Variants in CDH6 observed in about 807,000 individuals in gnomAD.
CDH6 encodes cadherin 6.
In CDH6, 31 loss-of-function variants were observed where a neutral mutation model predicts 78.0. That is an observed-to-expected ratio of 0.40 (90% CI 0.30 to 0.54). CDH6 has a LOEUF of 0.54. CDH6 is among the 20% of genes least tolerant of loss of function. The pLI is 0.56. For synonymous variants in CDH6, 376 were observed against 368.8 expected, an observed-to-expected ratio of 1.02 and a Z score of -0.23; for missense variants, 724 against 975.9, an observed-to-expected ratio of 0.74 and a Z score of 3.44.
At chr5:31,225,542 G>C (rs1332848160) in intron 1 of CDH6, among the ~76,000 whole-genome samples, 1 of 152,182 alleles carries the variant, frequency 6.6e-6, no homozygotes, top group Non-Finnish European at 1.5e-5. Flanking sequence ...TACAATCTTG[G>C]TGGTTGGCGA....
chr5:31,313,500 G>A (rs372686442), intron 8 of CDH6, 46 bp downstream of exon 8: 1 of 1,558,952 alleles, frequency 6.4e-7, no homozygotes. Flanking sequence ...AATAGACTGA[G>A]TGTCCCAGCA....
At chr5:31,293,791 T>C (rs2149947382) in intron 2 of CDH6, among the ~76,000 whole-genome samples, 171 bp from the exon 3 acceptor site, 1 of 151,584 alleles carries the variant, frequency 6.6e-6, no homozygotes, top group East Asian at 1.9e-4. Context: ...ACATGTTCAT[T>C]AATGAATGGT....
intron 1 of CDH6, among the ~76,000 whole-genome samples, chr5:31,213,755 A>G (rs923004088): frequency 6.6e-6 from 1 of 152,148 alleles, no homozygotes; most frequent in African/African-American, 2.4e-5. Flanking sequence ...GCCGAATAGC[A>G]CATTGCCCTC....
At chr5:31,276,950 T>C (rs1742716718) in intron 2 of CDH6, among the ~76,000 whole-genome samples, 1 of 152,136 alleles carries the variant, frequency 6.6e-6, no homozygotes, top group Non-Finnish European at 1.5e-5. Flanking sequence ...TGCCCTGCTG[T>C]GAAGTGTGCC....
chr5:31,220,728 G>C (rs983574524), intron 1 of CDH6, among the ~76,000 whole-genome samples: 3 of 152,156 alleles, frequency 2.0e-5, no homozygotes, highest in Admixed American at 2.0e-4. Flanking sequence ...TGATACAGAA[G>C]TTATAAAAAG....
intron 3 of CDH6, among the ~76,000 whole-genome samples, chr5:31,296,254 G>A (rs1488265929): frequency 6.6e-6 from 1 of 152,116 alleles, no homozygotes; most frequent in Non-Finnish European, 1.5e-5. Context: ...CAGCCATTAA[G>A]TGATCTTAAT....
At chr5:31,195,049 T>G (rs1389295399) in intron 1 of CDH6, among the ~76,000 whole-genome samples, 2 of 151,788 alleles carry the variant, frequency 1.3e-5, no homozygotes, top group Admixed American at 1.3e-4. Flanking sequence ...TTTAATCATC[T>G]GGAATAGCCA....
intron 1 of CDH6, among the ~76,000 whole-genome samples, chr5:31,228,857 GC>G (rs1741237407): frequency 6.6e-6 from 1 of 152,202 alleles, no homozygotes; most frequent in Non-Finnish European, 1.5e-5. Context: ...CTGGTCCATG[GC>G]CCCAGAGGTT....
chr5:31,260,307 G>T (rs1038460106), intron 1 of CDH6, among the ~76,000 whole-genome samples: 1 of 152,176 alleles, frequency 6.6e-6, no homozygotes, highest in Non-Finnish European at 1.5e-5. Flanking sequence ...AGCCAGCGTT[G>T]TGCGGGGCTG....
At chr5:31,219,827 G>A (rs924267409) in intron 1 of CDH6, among the ~76,000 whole-genome samples, 2 of 152,122 alleles carry the variant, frequency 1.3e-5, no homozygotes, top group African/African-American at 4.8e-5. Context: ...AAATTCAAGT[G>A]ACTTCTATGC....
At chr5:31,221,006 C>T (rs954583624) in intron 1 of CDH6, among the ~76,000 whole-genome samples, 1 of 152,184 alleles carries the variant, frequency 6.6e-6, no homozygotes, top group Non-Finnish European at 1.5e-5. Context: ...GAATTCTCAC[C>T]CTATCCTGGA....
intron 1 of CDH6, among the ~76,000 whole-genome samples, chr5:31,243,352 C>A (rs1741656425): frequency 6.6e-6 from 1 of 152,164 alleles, no homozygotes; most frequent in Non-Finnish European, 1.5e-5. Flanking sequence ...CCACATCAGT[C>A]TCAGCAGACA....
Position 31,257,409 on chromosome 5 carries a change from C to T in CDH6, c.-128-9937C>T, listed in dbSNP as rs558333803. On this transcript the variant is annotated intron_variant, in intron 1 of 11. Coordinates refer to ENST00000265071, the MANE Select transcript of CDH6 (RefSeq NM_004932.4). ...CGATCTCCTGACCTCGTGATCCACCCGTCTCAGCCTCCCAAAGTGCTAGGA... is the reference window on the plus strand; with the variant it reads ...CGATCTCCTGACCTCGTGATCCACCTGTCTCAGCCTCCCAAAGTGCTAGGA... 3.9e-5 allele frequency among the ~76,000 whole-genome samples: 6 copies of T among 152,302 alleles called. No individual in the cohort carries two copies. In the South Asian group the frequency reaches 1.2e-3, roughly 32 times the overall value.
intron 2 of CDH6, among the ~76,000 whole-genome samples, chr5:31,270,995 C>T (rs924453339): frequency 7.9e-5 from 12 of 152,198 alleles, no homozygotes; most frequent in Non-Finnish European, 1.5e-4. Context: ...AACCTTTAAT[C>T]ATGCCATTCA....
intron 7 of CDH6, among the ~76,000 whole-genome samples, chr5:31,310,319 C>T (rs1282128628): frequency 6.6e-6 from 1 of 152,218 alleles, no homozygotes; most frequent in Admixed American, 6.5e-5. Context: ...CCCTAGGGCA[C>T]ACTGATAAAG....
At chr5:31,304,996 GA>G (rs1057221223) in intron 6 of CDH6, among the ~76,000 whole-genome samples, 177 bp from the exon 7 acceptor site, 8 of 151,916 alleles carry the variant, frequency 5.3e-5, no homozygotes. Flanking sequence ...CTAGATATAA[GA>G]AAAAAAATTA....
At chr5:31,245,899 CTT>C (rs71612205) in intron 1 of CDH6, among the ~76,000 whole-genome samples, 2,903 of 87,672 alleles carry the variant, frequency 0.033, 8 homozygotes, top group African/African-American at 0.068. Flanking sequence ...CTCTCTCTCT[CTT>C]TTTTTTTTTT....
At chr5:31,251,455 C>A (rs1741905979) in intron 1 of CDH6, 2 of 152,320 alleles carry the variant, frequency 1.3e-5, no homozygotes, top group East Asian at 3.8e-4. Flanking sequence ...CTCCACACTT[C>A]TTTCCTTCTG....
chr5:31,262,633 G>T (rs1427119138), intron 1 of CDH6, among the ~76,000 whole-genome samples: 1 of 152,128 alleles, frequency 6.6e-6, no homozygotes, highest in Non-Finnish European at 1.5e-5. Context: ...GCAGGGTAGG[G>T]TGAGGGCAGA....
Sources: allele counts gnomAD v4.1 joint callset (sites outside exome capture counted in the v4.1 genomes callset), GRCh38; gene constraint gnomAD v4.1.1; transcripts MANE v1.5; gene names NCBI Gene and HGNC (gene_info 2026-07-23, HGNC 2026-07-21).